AAK1: variants seen among roughly 807,000 people sequenced by gnomAD.
AAK1 encodes AP2 associated kinase 1, also known as AP2-associated protein kinase 1.
AAK1 carries 37 observed loss-of-function variants against 116.0 expected under a neutral mutation model. The observed-to-expected ratio is 0.32, with a 90% confidence interval of 0.25 to 0.42. AAK1 has a LOEUF of 0.42. Ranked by LOEUF, AAK1 falls within the 10% of genes least tolerant of loss-of-function variation. AAK1 has a pLI of 1.00. For synonymous variants in AAK1, 458 were observed against 439.9 expected, an observed-to-expected ratio of 1.04 and a Z score of -0.51; for missense variants, 919 against 1,170.6, an observed-to-expected ratio of 0.79 and a Z score of 3.14.
chr2:69,482,919 G>T, intron 17 of AAK1, 107 bp from the exon 18 acceptor site: 1 of 668,198 alleles, frequency 1.5e-6, no homozygotes. Flanking sequence ...GTCAATATTT[G>T]GTACAGGTTC....
chr2:69,569,082 A>G (rs1335635018), intron 2 of AAK1, among the ~76,000 whole-genome samples: 2 of 152,188 alleles, frequency 1.3e-5, no homozygotes, highest in East Asian at 1.9e-4. Context: ...AAATAGAGTC[A>G]TAAGTTTCTG....
At chr2:69,577,826 T>A (rs980824796) in intron 2 of AAK1, among the ~76,000 whole-genome samples, 2 of 152,090 alleles carry the variant, frequency 1.3e-5, no homozygotes, top group Non-Finnish European at 2.9e-5. Context: ...CACATTCCCA[T>A]GGGGGCTAGC....
In AAK1 at chr2:69,473,502, T is replaced by C. The variant is rs1014287884; in HGVS notation, c.*2367A>G. On this transcript the variant is annotated 3_prime_UTR_variant, in exon 22 of 22. Coordinates refer to ENST00000409085, the MANE Select transcript of AAK1 (RefSeq NM_014911.5). ...TAAATAAGCCCAAGACAATTTCTTG[T>C]CATTATCTCCCTTAGGCTTCTACTG... is the stretch of plus-strand genomic sequence containing the variant. 4.1e-6 allele frequency: 4 copies of C among 985,378 alleles called. No homozygotes were observed. Among genetic ancestry groups the C allele is most frequent in the Admixed American group, 6.1e-5 (1 of 16,276 alleles). The allele number at this position is 985,378 out of a possible 1,614,324, so 61.0% of individuals were successfully genotyped here.
intron 18 of AAK1, 157 bp downstream of exon 18, chr2:69,482,553 GA>G (rs1227022942): frequency 2.7e-6 from 2 of 739,230 alleles, no homozygotes; most frequent in East Asian, 5.4e-5. Context: ...GAAAAGCAAG[GA>G]AAACACTTCA....
intron 8 of AAK1, among the ~76,000 whole-genome samples, chr2:69,528,784 G>C (rs939687887): frequency 3.3e-5 from 5 of 152,180 alleles, no homozygotes; most frequent in Non-Finnish European, 7.3e-5. Context: ...CATTCATAAA[G>C]AGTTGTATTT....
Position 69,472,636 on chromosome 2 carries a change from G to A in AAK1, c.*3233C>T, listed in dbSNP as rs1558888568. ...GAGGTATGTATTTTTGAAAACATTG[G>A]GACTCATTTGAATGTTGTAAAGGGA... On this transcript the variant is annotated 3_prime_UTR_variant, in exon 22 of 22. Coordinates refer to ENST00000409085, the MANE Select transcript of AAK1 (RefSeq NM_014911.5). The A allele has an allele frequency of 1.0e-6, 1 of 985,292 alleles. No homozygotes were observed. Among genetic ancestry groups the A allele is most frequent in the Non-Finnish European group, 1.2e-6 (1 of 829,882 alleles). The allele number at this position is 985,292 out of a possible 1,614,324, so 61.0% of individuals were successfully genotyped here. A position where few individuals can be genotyped will look rare whatever the true frequency, so the allele number is the denominator to read the frequency against.
At chr2:69,553,914 GA>G (rs1343339310) in intron 3 of AAK1, among the ~76,000 whole-genome samples, 2,166 of 136,710 alleles carry the variant, frequency 0.016, 43 homozygotes, top group African/African-American at 0.047. Flanking sequence ...TGTCTCTAAG[GA>G]AAAAAAAAAA....
At chr2:69,490,225 A>G (rs996247298) in intron 17 of AAK1, among the ~76,000 whole-genome samples, 14 of 152,348 alleles carry the variant, frequency 9.2e-5, no homozygotes, top group African/African-American at 3.4e-4. Flanking sequence ...GGAATGTAAA[A>G]TGATGCAGCC....
Position 69,467,559 on chromosome 2 carries a change from TAA to T in AAK1, c.*8308_*8309del. The T allele has an allele frequency of 6.1e-6, 6 of 985,346 alleles. No individual in the cohort carries two copies. The highest frequency in any genetic ancestry group is 7.2e-6 in the Non-Finnish European group (6 of 829,914). 61.0% of individuals were successfully genotyped at this position (985,346 alleles called of 1,614,324 possible). ...AGGTATCATTTCATCATGGGCTCAG[TAA>T]AGAGATACTACTGGAGTTTCCCAAC... is the stretch of plus-strand genomic sequence containing the variant. On this transcript the variant is annotated 3_prime_UTR_variant, in exon 22 of 22. Transcript: ENST00000409085.
At chr2:69,603,535 C>T (rs979008144) in intron 2 of AAK1, among the ~76,000 whole-genome samples, 5 of 152,126 alleles carry the variant, frequency 3.3e-5, no homozygotes, top group Non-Finnish European at 7.3e-5. Flanking sequence ...TGCAGAAGGT[C>T]GCAAATCCAC....
In AAK1 at chr2:69,472,349, G is replaced by T; in HGVS notation, c.*3520C>A. On this transcript the variant is annotated 3_prime_UTR_variant, in exon 22 of 22. Coordinates refer to ENST00000409085, the MANE Select transcript of AAK1 (RefSeq NM_014911.5). ...ATACTTCCAGGTGCTTTCTCAAAGTGATACTAATTAAATAATATAGCTGAT... is the reference window on the plus strand; with the variant it reads ...ATACTTCCAGGTGCTTTCTCAAAGTTATACTAATTAAATAATATAGCTGAT... 1 of 231,280 alleles carries T rather than the reference G, an allele frequency of 4.3e-6. No homozygotes were observed. The highest frequency in any genetic ancestry group is 7.1e-6 in the Non-Finnish European group (1 of 140,538). The allele number at this position is 231,280 out of a possible 1,614,324, so 14.3% of individuals were successfully genotyped here.
chr2:69,484,765 C>T (rs1675223715), intron 17 of AAK1, among the ~76,000 whole-genome samples: 1 of 151,980 alleles, frequency 6.6e-6, no homozygotes, highest in Non-Finnish European at 1.5e-5. Flanking sequence ...GTCCCAGCTA[C>T]TCAGGAGGCT....
At chr2:69,606,790 G>C (rs996167545) in intron 2 of AAK1, among the ~76,000 whole-genome samples, 3 of 152,168 alleles carry the variant, frequency 2.0e-5, no homozygotes, top group African/African-American at 7.2e-5. Flanking sequence ...TAGAGGCTAG[G>C]TGTGGTAGCC....
Position 69,495,971 on chromosome 2 carries a change from T to A in AAK1, c.2365+14A>T, listed in dbSNP as rs1012584945. On this transcript the variant is annotated intron_variant, in intron 17 of 21. Coordinates refer to ENST00000409085, the MANE Select transcript of AAK1 (RefSeq NM_014911.5). ...ATCAAGCTGCTTAACCTCAGAACAG[T>A]TCTGTTCACCTACCTGGTGCATCAG... The A allele has an allele frequency of 6.5e-7, 1 of 1,550,024 alleles. No homozygotes were observed. Among genetic ancestry groups the A allele is most frequent in the Non-Finnish European group, 8.7e-7 (1 of 1,145,626 alleles).
chr2:69,476,813 T>A, intron 21 of AAK1, 67 bp downstream of exon 21: 1 of 1,088,956 alleles, frequency 9.2e-7, no homozygotes, highest in Non-Finnish European at 1.4e-6. Context: ...CCTTGCAGAT[T>A]AGGTGCATGA....
At chr2:69,584,127 C>A (rs1672659407) in intron 2 of AAK1, among the ~76,000 whole-genome samples, 1 of 152,188 alleles carries the variant, frequency 6.6e-6, no homozygotes, top group African/African-American at 2.4e-5. Flanking sequence ...AAAACCCACC[C>A]GCCTCCTTCA....
At chr2:69,592,910 G>T (rs1288746612) in intron 2 of AAK1, among the ~76,000 whole-genome samples, 7 of 152,190 alleles carry the variant, frequency 4.6e-5, no homozygotes, top group African/African-American at 1.7e-4. Context: ...GCTGTGTTAA[G>T]TTCTTCTCTT....
At position 69,529,982 on chromosome 2, in the gene AAK1, T is replaced by C. The variant is rs377235415; in HGVS notation, c.871+26A>G. The C allele has an allele frequency of 8.7e-6, 13 of 1,490,372 alleles. No homozygotes were observed. In the East Asian group the frequency reaches 1.2e-4, roughly 14 times the overall value. 92.3% of individuals were successfully genotyped at this position (1,490,372 alleles called of 1,614,324 possible). A position where few individuals can be genotyped will look rare whatever the true frequency, so the allele number is the denominator to read the frequency against. ...TTCTTTGTGATTAGAAATAAAAATA[T>C]GAAACTAGAAACTTAAAATACTTAC... On this transcript the variant is annotated intron_variant, in intron 8 of 21. Transcript: ENST00000409085.
intron 2 of AAK1, chr2:69,595,078 G>C (rs1160767220): frequency 2.2e-5 from 15 of 689,468 alleles, no homozygotes. Context: ...AGCACTATCA[G>C]CATGGAAAAA....
Sources: allele counts gnomAD v4.1 joint callset (sites outside exome capture counted in the v4.1 genomes callset), GRCh38; gene constraint gnomAD v4.1.1; transcripts MANE v1.5; gene names NCBI Gene and HGNC (gene_info 2026-07-23, HGNC 2026-07-21).